The following TMEM223 variants were observed in gnomAD, a reference collection of about 807,000 sequenced individuals.
TMEM223 encodes the protein transmembrane protein 223.
Under a neutral mutation model 14.1 loss-of-function variants are expected in TMEM223, and 14 were observed. That is an observed-to-expected ratio of 0.99 (90% CI 0.66 to 1.55). The LOEUF (loss-of-function observed/expected upper bound fraction) is 1.55. Ranked by LOEUF, TMEM223 falls within the 40% of genes most tolerant of loss-of-function variation. The pLI, the probability that TMEM223 is intolerant of heterozygous loss-of-function variation, is 0.00. For synonymous variants in TMEM223, 145 were observed against 120.5 expected, an observed-to-expected ratio of 1.20 and a Z score of -1.33; for missense variants, 346 against 269.9, an observed-to-expected ratio of 1.28 and a Z score of -1.97.
downstream of TMEM223, chr11:62,789,847 T>G (rs779653173): frequency 3.1e-6 from 5 of 1,593,382 alleles, no homozygotes; most frequent in Non-Finnish European, 3.4e-6. Context: ...GGATTTGAAA[T>G]GGTCCCACTC....
intron 2 of TMEM223, among the ~76,000 whole-genome samples, chr11:62,773,208 T>G (rs958825919): frequency 1.3e-5 from 2 of 151,584 alleles, no homozygotes; most frequent in Non-Finnish European, 2.9e-5. Context: ...AGTGCAGTGG[T>G]GCGATCTTGG....
downstream of TMEM223, among the ~76,000 whole-genome samples, chr11:62,783,365 C>T (rs1034639652): frequency 6.6e-6 from 1 of 151,904 alleles, no homozygotes; most frequent in Admixed American, 6.6e-5. Context: ...GCCTGTAGTC[C>T]CAGCTACTCG....
chr11:62,787,767 A>C (rs1363092135), downstream of TMEM223: 3 of 686,498 alleles, frequency 4.4e-6, no homozygotes, highest in East Asian at 2.7e-5. Flanking sequence ...AGCGTCTTAA[A>C]GCACTAGGTG....
chr11:62,786,996 C>T (rs561547191), downstream of TMEM223: 4 of 1,481,758 alleles, frequency 2.7e-6, no homozygotes, highest in Non-Finnish European at 3.6e-6. Flanking sequence ...AGAGCAGGCC[C>T]TTGCCGCGCG....
intron 1 of TMEM223, chr11:62,778,471 C>T (rs1434557158): frequency 2.9e-5 from 31 of 1,064,926 alleles, no homozygotes; most frequent in Admixed American, 4.0e-5. Flanking sequence ...TCTGAGTGGG[C>T]GCTGGGCTCT....
chr11:62,775,909 T>C, intron 1 of TMEM223: 1 of 1,613,096 alleles, frequency 6.2e-7, no homozygotes, highest in Non-Finnish European at 8.5e-7. Flanking sequence ...ACGTGTGCTA[T>C]CGTCTGAGAG....
chr11:62,781,976 A>T, intron 1 of TMEM223: 1 of 1,613,904 alleles, frequency 6.2e-7, no homozygotes, highest in Non-Finnish European at 8.5e-7. Flanking sequence ...GGGGTAAGTG[A>T]CCAGGCTGGG....
chr11:62,789,886 A>G, downstream of TMEM223: 3 of 1,612,652 alleles, frequency 1.9e-6, no homozygotes, highest in Non-Finnish European at 2.5e-6. Flanking sequence ...TCTCCTACAG[A>G]CCTCTTCTTG....
intron 1 of TMEM223, chr11:62,778,678 G>T: frequency 1.6e-6 from 1 of 623,924 alleles, no homozygotes; most frequent in East Asian, 2.7e-5. Flanking sequence ...ACAGGACAGA[G>T]CACAGAGGTG....
At chr11:62,775,538 A>T in intron 1 of TMEM223, 1 of 473,718 alleles carries the variant, frequency 2.1e-6, no homozygotes, top group Non-Finnish European at 3.8e-6. Context: ...CAGGAATGGG[A>T]CCTAGTTCTG....
intron 1 of TMEM223, chr11:62,778,734 T>G: frequency 1.3e-6 from 1 of 768,358 alleles, no homozygotes; most frequent in South Asian, 1.5e-5. Flanking sequence ...AAGAGCAGTC[T>G]CTTGCCCTGG....
intron 1 of TMEM223, among the ~76,000 whole-genome samples, chr11:62,775,062 CAAAA>C (rs35218634): frequency 4.8e-5 from 3 of 62,790 alleles, no homozygotes; most frequent in Non-Finnish European, 1.1e-4. Context: ...GACTCTGTCT[CAAAA>C]AAAAAAAAAA....
At chr11:62,772,523 CAAAA>C (rs556866279) in intron 2 of TMEM223, among the ~76,000 whole-genome samples, 1 of 74,022 alleles carries the variant, frequency 1.4e-5, no homozygotes. Flanking sequence ...ACTGTGTCTC[CAAAA>C]AAAAAAAAAA....
At chr11:62,787,164 G>C (rs553298284), downstream of TMEM223, 8 of 1,581,116 alleles carry the variant, frequency 5.1e-6, no homozygotes, top group Non-Finnish European at 6.8e-6. Context: ...GCCTTTTCCA[G>C]ACTGCCTTCC....
At chr11:62,778,246 A>T (rs776698801) in intron 1 of TMEM223, 1 of 1,614,118 alleles carries the variant, frequency 6.2e-7, no homozygotes, top group Admixed American at 1.7e-5. Context: ...TCTAAGGGGC[A>T]AAACGCCAGG....
At chr11:62,779,621 C>T (rs948513429) in intron 1 of TMEM223, among the ~76,000 whole-genome samples, 6 of 146,770 alleles carry the variant, frequency 4.1e-5, no homozygotes, top group East Asian at 4.1e-4. Flanking sequence ...CCACTGTGCC[C>T]GGCCTAATTC....
At chr11:62,775,053 ACT>A (rs2084175852) in intron 1 of TMEM223, among the ~76,000 whole-genome samples, 1 of 146,932 alleles carries the variant, frequency 6.8e-6, no homozygotes, top group South Asian at 2.2e-4. Context: ...CCAGAGCGAG[ACT>A]CTGTCTCAAA....
At chr11:62,778,130 T>C in intron 1 of TMEM223, 1 of 1,613,962 alleles carries the variant, frequency 6.2e-7, no homozygotes, top group Non-Finnish European at 8.5e-7. Context: ...CTGTCAGAGG[T>C]GGCTGCCGGG....
chr11:62,778,960 G>A (rs2134708367), intron 1 of TMEM223: 1 of 1,613,234 alleles, frequency 6.2e-7, no homozygotes, highest in East Asian at 2.2e-5. Flanking sequence ...CGCAACTGAT[G>A]AAGGTGAGCG....
Sources: gnomAD v4.1 joint callset for allele counts (sites outside exome capture counted in the v4.1 genomes callset) on GRCh38, gnomAD v4.1.1 for gene constraint, MANE v1.5 for transcripts, NCBI Gene and HGNC (gene_info 2026-07-23, HGNC 2026-07-21) for gene names.